Variants in UBR3 observed in about 807,000 individuals in gnomAD.
UBR3 encodes the protein ubiquitin protein ligase E3 component n-recognin 3.
UBR3 carries 85 observed loss-of-function variants against 243.2 expected under a neutral mutation model. The observed-to-expected ratio is 0.35, with a 90% CI of 0.29 to 0.42. The LOEUF (loss-of-function observed/expected upper bound fraction) is 0.42, where lower values mean the gene tolerates loss of function less well. UBR3 is among the 10% of genes least tolerant of loss of function. The pLI is 1.00. For missense variants in UBR3, 1,686 were observed against 2,300.8 expected (o/e 0.73, Z 5.47); for synonymous variants, 748 against 799.8 (o/e 0.94, Z 1.09).
chr2:169,965,461 A>G (rs973485525), intron 24 of UBR3, among the ~76,000 whole-genome samples: 3 of 152,114 alleles, frequency 2.0e-5, no homozygotes, highest in African/African-American at 7.2e-5. Context: ...CCCCATATAT[A>G]CTGTTTTTTT....
At position 169,853,821 on chromosome 2, in the gene UBR3, TTGTGTTTGTTGTTTATA is replaced by T. The variant is rs1237627716; in HGVS notation, c.546-18410_546-18394del. On this transcript the variant is annotated intron_variant, in intron 1 of 38. Transcript: ENST00000272793. ...TTTGTTTTTTTAAATCTGCATGCAT[TTGTGTTTGTTGTTTATA>T]TGTGCATATGTATGTGGAAGTGAAT... 1.0e-3 allele frequency among the ~76,000 whole-genome samples: 154 copies of T among 152,210 alleles called. 1 individual carries two copies. The highest frequency in any genetic ancestry group is 3.5e-3 in the African/African-American group (145 of 41,524).
intron 6 of UBR3, among the ~76,000 whole-genome samples, chr2:169,892,928 C>A (rs2084430240): frequency 6.6e-6 from 1 of 152,138 alleles, no homozygotes; most frequent in African/African-American, 2.4e-5. Context: ...ACTCTGCTCT[C>A]TTAATTAAAA....
chr2:169,895,217 T>A lies in UBR3; in HGVS notation c.1142T>A (p.Phe381Tyr), dbSNP rs1484718742. The change falls in exon 7 of 39, where the codon TTC (phenylalanine) becomes TAC (tyrosine). Residue 381 changes from phenylalanine (F) to tyrosine (Y), a missense_variant. By Grantham distance (22) the Phe-to-Tyr change is conservative. Transcript: ENST00000272793. The part of the protein sequence containing the change: ...SIMDVLKHKS[F>Y]LEELLFWTIK... ...ATGGATGTTTTGAAGCATAAAAGCTTCCTAGAAGAACTATTATTTTGGACT... is the reference window on the plus strand; with the variant it reads ...ATGGATGTTTTGAAGCATAAAAGCTACCTAGAAGAACTATTATTTTGGACT... The A allele has an allele frequency of 6.5e-7, 1 of 1,537,696 alleles. No homozygotes were observed. Among genetic ancestry groups the A allele is most frequent in the Admixed American group, 2.2e-5 (1 of 45,626 alleles).
chr2:170,022,323 G>A (rs1341800426), intron 30 of UBR3, among the ~76,000 whole-genome samples: 1 of 152,162 alleles, frequency 6.6e-6, no homozygotes, highest in Non-Finnish European at 1.5e-5. Context: ...CCGGGAGGCA[G>A]GAGAGGAACA....
chr2:169,996,631 C>T (rs2089487028), intron 26 of UBR3, among the ~76,000 whole-genome samples: 1 of 150,966 alleles, frequency 6.6e-6, no homozygotes. Flanking sequence ...TGTATAAATA[C>T]ACGTATGTGT....
intron 1 of UBR3, among the ~76,000 whole-genome samples, chr2:169,864,514 A>G (rs2083188088): frequency 6.6e-6 from 1 of 152,164 alleles, no homozygotes; most frequent in African/African-American, 2.4e-5. Context: ...CTGTAATCCC[A>G]GCACTTTGGG....
intron 1 of UBR3, among the ~76,000 whole-genome samples, chr2:169,836,054 TATATATATATA>T (rs2082092482): frequency 4.0e-5 from 2 of 49,620 alleles, no homozygotes; most frequent in African/African-American, 5.8e-5. Flanking sequence ...TATATATATA[TATATATATATA>T]TATTTTTTTT....
intron 18 of UBR3, among the ~76,000 whole-genome samples, chr2:169,929,633 T>C (rs770511765): frequency 9.9e-5 from 15 of 152,152 alleles, no homozygotes; most frequent in African/African-American, 1.4e-4. Flanking sequence ...TTTGAACCTA[T>C]GTTAAATGCA....
intron 19 of UBR3, among the ~76,000 whole-genome samples, chr2:169,933,824 G>T (rs886461498): frequency 1.3e-5 from 2 of 152,102 alleles, no homozygotes; most frequent in East Asian, 3.9e-4. Context: ...AATTTTTAAT[G>T]TGGAATTTTA....
chr2:169,867,095 C>T (rs998647625), intron 1 of UBR3, among the ~76,000 whole-genome samples: 19 of 152,060 alleles, frequency 1.2e-4, no homozygotes, highest in Non-Finnish European at 1.8e-4. Flanking sequence ...TTAAATTTTT[C>T]CTTTTGATTA....
chr2:169,861,648 A>G (rs181620752), intron 1 of UBR3, among the ~76,000 whole-genome samples: 5 of 151,448 alleles, frequency 3.3e-5, no homozygotes. Flanking sequence ...GCCCATGGGC[A>G]TTTATTTTTG....
chr2:169,915,517 TGAGCCACTGCTCCTGG>T (rs2085430088), intron 11 of UBR3, among the ~76,000 whole-genome samples: 3 of 152,228 alleles, frequency 2.0e-5, no homozygotes, highest in Admixed American at 2.0e-4. Flanking sequence ...ATTACCAGTG[TGAGCCACTGCTCCTGG>T]CCAGGACAGT....
chr2:169,861,181 C>T (rs2083075150), intron 1 of UBR3, among the ~76,000 whole-genome samples: 1 of 152,218 alleles, frequency 6.6e-6, no homozygotes, highest in South Asian at 2.1e-4. Flanking sequence ...AAATGTTAAT[C>T]TCCTTGGGCA....
rs200104491 is a variant in UBR3 at position 169,976,520 on chromosome 2, GC to G, written c.3635-10124del. 7.8e-3 allele frequency among the ~76,000 whole-genome samples: 1,183 copies of G among 152,142 alleles called. 13 individuals carry two copies. The highest frequency in any genetic ancestry group is 0.026 in the African/African-American group (1,069 of 41,526). Reference sequence around the variant, plus strand: ...TCCATTATTTCTGTAGGATAGCTTTGCTGGGTGTAGTATTTTTGGTAGGCAA... The same window carrying G: ...TCCATTATTTCTGTAGGATAGCTTTGTGGGTGTAGTATTTTTGGTAGGCAA... On this transcript the variant is annotated intron_variant, in intron 24 of 38. Transcript: ENST00000272793.
chr2:169,945,312 A>G (rs542831832), intron 20 of UBR3, among the ~76,000 whole-genome samples: 2 of 152,296 alleles, frequency 1.3e-5, no homozygotes, highest in African/African-American at 2.4e-5. Context: ...TTGAATGCCT[A>G]TGCTCTTCAC....
rs901244907 is a variant in UBR3, at chr2:169,894,722, G to A, written c.1106-459G>A. On this transcript the variant is annotated intron_variant, in intron 6 of 38. Coordinates refer to ENST00000272793, the MANE Select transcript of UBR3 (RefSeq NM_172070.4). Reference sequence around the variant, plus strand: ...GTGTTAATTGAAAAAACTCTACAAGGTTATCCTGGAAGACACCTTGAACAG... The same window carrying A: ...GTGTTAATTGAAAAAACTCTACAAGATTATCCTGGAAGACACCTTGAACAG... 1.4e-4 allele frequency among the ~76,000 whole-genome samples: 21 copies of A among 152,126 alleles called. 1 individual carries two copies. The highest frequency in any genetic ancestry group is 4.6e-4 in the African/African-American group (19 of 41,416).
intron 25 of UBR3, 112 bp from the exon 26 acceptor site, chr2:169,994,211 C>A: frequency 3.2e-6 from 4 of 1,269,444 alleles, no homozygotes; most frequent in Non-Finnish European, 2.2e-6. Context: ...TAAAAATATT[C>A]TAATAGTGAA....
chr2:169,972,800 C>A (rs965745429), intron 24 of UBR3, among the ~76,000 whole-genome samples: 2 of 151,720 alleles, frequency 1.3e-5, no homozygotes, highest in African/African-American at 4.8e-5. Flanking sequence ...AAACCCACAG[C>A]CAATATCATA....
chr2:169,985,915 C>T (rs1054496778), intron 24 of UBR3, among the ~76,000 whole-genome samples: 2 of 152,118 alleles, frequency 1.3e-5, no homozygotes, highest in Non-Finnish European at 2.9e-5. Flanking sequence ...CTTCTGCTTC[C>T]CTGTTCTTCC....
Sources: allele counts gnomAD v4.1 joint callset (sites outside exome capture counted in the v4.1 genomes callset), GRCh38; gene constraint gnomAD v4.1.1; transcripts MANE v1.5; gene names NCBI Gene and HGNC (gene_info 2026-07-23, HGNC 2026-07-21).